TNRC6B: variants seen among roughly 807,000 people sequenced by gnomAD.
TNRC6B encodes trinucleotide repeat-containing gene 6B protein.
TNRC6B carries 52 observed loss-of-function variants against 203.6 expected under a neutral mutation model. The observed-to-expected ratio is 0.26, with a 90% CI of 0.20 to 0.32. The LOEUF (loss-of-function observed/expected upper bound fraction) is 0.32. TNRC6B is among the 10% of genes least tolerant of loss of function. TNRC6B has a pLI of 1.00. For synonymous variants in TNRC6B, 838 were observed against 845.7 expected (o/e 0.99, Z 0.16); for missense variants, 1,923 against 2,286.2 (o/e 0.84, Z 3.24).
intron 1 of TNRC6B, among the ~76,000 whole-genome samples, chr22:40,220,529 GTT>G (rs1175549781): frequency 1.3e-5 from 2 of 152,084 alleles, no homozygotes; most frequent in African/African-American, 4.8e-5. Flanking sequence ...GCACTGAATA[GTT>G]TTATAAGTAT....
intron 1 of TNRC6B, among the ~76,000 whole-genome samples, chr22:40,219,046 A>G (rs1601893716): frequency 6.6e-6 from 1 of 152,244 alleles, no homozygotes; most frequent in East Asian, 1.9e-4. Context: ...CATACACACA[A>G]GCACAAAAGT....
rs758091398 is a variant in TNRC6B at position 40,265,078 on chromosome 22, A to G, written c.848A>G (p.Asn283Ser). ...ACAGAGAACAACAATGGACTAGGAA[A>G]TTGGAGGAATGTGAGTGGTCAGGAT... ...STTENNNGLG[N>S]WRNVSGQDRI... The change falls in exon 5 of 23, where the codon AAT becomes AGT. Residue 283 changes from asparagine (N) to serine (S), a missense_variant. Asn to Ser is a conservative substitution (Grantham distance 46). This residue lies in a region of TNRC6B where 614 missense variants were observed against 587.7 expected (regional missense o/e 1.04). Transcript: ENST00000454349. 1.5e-5 allele frequency: 25 copies of G among 1,613,890 alleles called. No individual in the cohort carries two copies. Among genetic ancestry groups the G allele is most frequent in the South Asian group, 2.2e-5 (2 of 91,090 alleles).
chr22:40,322,773 T>C, intron 22 of TNRC6B, 81 bp from the exon 23 acceptor site: 10 of 1,511,008 alleles, frequency 6.6e-6, no homozygotes, highest in Non-Finnish European at 9.1e-6. Context: ...GCACATTGAA[T>C]GTCAAGGACT....
chr22:40,100,067 A>ATTAT (rs34836211), intron 1 of TNRC6B, among the ~76,000 whole-genome samples: 16,893 of 111,704 alleles, frequency 0.15, 1,081 homozygotes, highest in Non-Finnish European at 0.17. Flanking sequence ...TTTTATTTTT[A>ATTAT]TTATTTATTT....
intron 1 of TNRC6B, among the ~76,000 whole-genome samples, chr22:40,234,867 A>G (rs1360608092): frequency 2.0e-5 from 3 of 152,234 alleles, no homozygotes; most frequent in Admixed American, 1.3e-4. Flanking sequence ...CAGATCCAGC[A>G]AATGAAAAAA....
chr22:40,073,076 A>C (rs1055967877), intron 1 of TNRC6B, among the ~76,000 whole-genome samples: 1 of 151,564 alleles, frequency 6.6e-6, no homozygotes, highest in African/African-American at 2.4e-5. Context: ...CAAGTCCCTA[A>C]CAGGCAGTCA....
Position 40,313,015 on chromosome 22 carries a change from T to C in TNRC6B, c.4678+18T>C. On this transcript the variant is annotated intron_variant, in intron 19 of 22. Coordinates refer to ENST00000454349, the MANE Select transcript of TNRC6B (RefSeq NM_001162501.2). ...CACTTCAGGTATGAGTGTGAATTTT[T>C]TGTTTCCCTTTGGTTAGCACTTTTT... 6.3e-7 allele frequency: 1 copy of C among 1,599,266 alleles called. No individual in the cohort carries two copies. Among genetic ancestry groups the C allele is most frequent in the Non-Finnish European group, 8.6e-7 (1 of 1,168,682 alleles).
chr22:40,134,892 G>A (rs1423187550), intron 3 of TNRC6B, among the ~76,000 whole-genome samples: 1 of 152,180 alleles, frequency 6.6e-6, no homozygotes, highest in Non-Finnish European at 1.5e-5. Context: ...CCATTACCAA[G>A]ACAGCATTTT....
chr22:40,314,212 A>T (rs1441033865), intron 19 of TNRC6B, among the ~76,000 whole-genome samples: 1 of 152,132 alleles, frequency 6.6e-6, no homozygotes, highest in Non-Finnish European at 1.5e-5. Flanking sequence ...TTTCCTTCTC[A>T]ACTCAGTTAT....
chr22:40,253,539 C>T (rs1169508035), intron 3 of TNRC6B: 4 of 454,746 alleles, frequency 8.8e-6, no homozygotes, highest in Non-Finnish European at 1.8e-5. Context: ...TTTCTCATAC[C>T]TACTATATAA....
At chr22:40,228,026 A>G (rs1411291544) in intron 1 of TNRC6B, among the ~76,000 whole-genome samples, 6 of 152,092 alleles carry the variant, frequency 3.9e-5, no homozygotes, top group Non-Finnish European at 7.4e-5. Flanking sequence ...TCTTCTTTTT[A>G]GTTTCTTCGC....
intron 15 of TNRC6B, 110 bp downstream of exon 15, chr22:40,301,443 G>A: frequency 8.5e-7 from 1 of 1,179,182 alleles, no homozygotes; most frequent in African/African-American, 1.5e-5. Flanking sequence ...TACAAGGTAG[G>A]TAAATATTCT....
In TNRC6B at chr22:40,265,322, G is replaced by T. The variant is rs1333134044; in HGVS notation, c.1092G>T (p.Gln364His). ...GVNFVVSGREQAQIHNTDGPK... is the reference protein window; with the variant it reads ...GVNFVVSGREHAQIHNTDGPK... ...ATTTTGTTGTCTCTGGCAGAGAACA[G>T]GCTCAAATTCATAACACTGATGGAC... The change falls in exon 5 of 23, where the codon CAG becomes CAT. Residue 364 changes from glutamine (Q) to histidine (H), a missense_variant. Gln to His is a conservative substitution (Grantham distance 24). Around this residue, in one of 8 missense-constraint regions of TNRC6B, gnomAD observed 614 missense variants for 587.7 expected, o/e 1.04. Transcript: ENST00000454349. 1.2e-6 allele frequency: 2 copies of T among 1,613,898 alleles called. No homozygotes were observed. Among genetic ancestry groups the T allele is most frequent in the Non-Finnish European group, 1.7e-6 (2 of 1,179,910 alleles).
At chr22:40,072,987 C>G (rs5995806) in intron 1 of TNRC6B, among the ~76,000 whole-genome samples, 2,038 of 151,252 alleles carry the variant, frequency 0.013, 54 homozygotes, top group African/African-American at 0.047. Flanking sequence ...AAGATATTTC[C>G]TTTCAAATGA....
upstream of TNRC6B, among the ~76,000 whole-genome samples, chr22:40,174,145 T>C (rs980099699): frequency 5.9e-5 from 9 of 151,582 alleles, no homozygotes; most frequent in African/African-American, 2.2e-4. Context: ...TATTTTTCAA[T>C]CTTGTTTTCT....
rs371913232 is a variant in TNRC6B, at chr22:40,261,894, C to A, written c.178C>A (p.Pro60Thr). Residue 60 changes from proline (P) to threonine (T), a missense_variant, in exon 4 of 23, where the codon CCA becomes ACA. Pro to Thr is a conservative substitution (Grantham distance 38, BLOSUM62 -1). Coordinates refer to ENST00000454349, the MANE Select transcript of TNRC6B (RefSeq NM_001162501.2). ...PTAASPIGSS[P>T]SPPVNGGNNA... ...GGCCGCCAGCCCAATTGGCAGCTCT[C>A]CATCGCCACCAGTCAATGGTGGCAA... The A allele has an allele frequency of 8.1e-6, 13 of 1,599,048 alleles. No homozygotes were observed. Among genetic ancestry groups the A allele is most frequent in the Non-Finnish European group, 1.0e-5 (12 of 1,167,954 alleles).
At chr22:40,051,614 G>A (rs2146263298) in intron 1 of TNRC6B, among the ~76,000 whole-genome samples, 1 of 152,246 alleles carries the variant, frequency 6.6e-6, no homozygotes, top group Middle Eastern at 3.4e-3. Flanking sequence ...TCGACCACAG[G>A]CACTACAGTT....
At chr22:40,079,585 T>TATATA (rs199933882) in intron 1 of TNRC6B, among the ~76,000 whole-genome samples, 15 of 148,816 alleles carry the variant, frequency 1.0e-4, no homozygotes, top group African/African-American at 3.9e-4. Flanking sequence ...ATATATATAT[T>TATATA]TTTTATGATA....
intron 17 of TNRC6B, 37 bp downstream of exon 17, chr22:40,311,030 T>A: frequency 6.4e-7 from 1 of 1,574,304 alleles, no homozygotes; most frequent in Non-Finnish European, 8.6e-7. Flanking sequence ...GGATAGCATT[T>A]GTTTTGTAAT....
Sources: gnomAD v4.1 joint callset for allele counts (sites outside exome capture counted in the v4.1 genomes callset) on GRCh38, gnomAD v4.1.1 for gene constraint, gnomAD v4.1.1 regional missense constraint, MANE v1.5 for transcripts, NCBI Gene and HGNC (gene_info 2026-07-23, HGNC 2026-07-21) for gene names.